The following CTNNA3 variants were observed in gnomAD, a reference collection of about 807,000 sequenced individuals.
CTNNA3 encodes the protein catenin alpha-3.
Under a neutral mutation model 95.7 loss-of-function variants are expected in CTNNA3, and 76 were observed. That is an observed-to-expected ratio of 0.79 (90% CI 0.66 to 0.96). The LOEUF is 0.96. CTNNA3 is among the 40% of genes least tolerant of loss of function. CTNNA3 has a pLI of 0.00. For synonymous variants in CTNNA3, 431 were observed against 374.4 expected, an observed-to-expected ratio of 1.15 and a Z score of -1.74; for missense variants, 1,191 against 1,089.8, an observed-to-expected ratio of 1.09 and a Z score of -1.31.
intron 7 of CTNNA3, among the ~76,000 whole-genome samples, chr10:66,905,681 T>C (rs1845959348): frequency 1.3e-5 from 2 of 152,256 alleles, no homozygotes; most frequent in Admixed American, 1.3e-4. Context: ...GAGTAGTGTT[T>C]GGCCTAAAAA....
chr10:66,524,999 A>T lies in CTNNA3; in HGVS notation c.1375-4226T>A, dbSNP rs537779538. Among the ~76,000 whole-genome samples the T allele has an allele frequency of 5.9e-5, 9 of 152,182 alleles. No individual in the cohort carries two copies. In the East Asian group the frequency reaches 1.4e-3, roughly 23 times the overall value. On this transcript the variant is annotated intron_variant, in intron 10 of 17. Transcript: ENST00000433211. Reference sequence around the variant, plus strand: ...GGGAAGCGGAGGTTGTGGTGAGCCGAGATCGCACCATTGTACTCCAGCCTG... The same window carrying T: ...GGGAAGCGGAGGTTGTGGTGAGCCGTGATCGCACCATTGTACTCCAGCCTG...
chr10:66,472,629 A>G (rs1839177842), intron 11 of CTNNA3, among the ~76,000 whole-genome samples: 1 of 152,020 alleles, frequency 6.6e-6, no homozygotes. Flanking sequence ...AAAGTCTCAC[A>G]ATTTGTTATA....
intron 9 of CTNNA3, among the ~76,000 whole-genome samples, chr10:66,670,642 T>C (rs1047098661): frequency 2.6e-5 from 4 of 152,238 alleles, no homozygotes; most frequent in Non-Finnish European, 4.4e-5. Flanking sequence ...ATTACATTGA[T>C]CTCACCTGGA....
At chr10:67,704,093 A>G (rs1186017428) in intron 1 of CTNNA3, among the ~76,000 whole-genome samples, 1 of 152,242 alleles carries the variant, frequency 6.6e-6, no homozygotes, top group Non-Finnish European at 1.5e-5. Flanking sequence ...CTCCTCAAGG[A>G]GAACTACAAA....
rs140611403 is a variant in CTNNA3, at chr10:66,809,541, C to A, written c.1048-34017G>T. On this transcript the variant is annotated intron_variant, in intron 7 of 17. Transcript: ENST00000433211. The stretch of plus-strand genomic sequence containing the variant: ...TTGTTTAGATTTACCATTGAATCAC[C>A]TTTAAGTAATGGTGATTAATTCCTT... 3.1e-3 allele frequency among the ~76,000 whole-genome samples: 476 copies of A among 152,156 alleles called. 2 individuals are homozygous for A. Among genetic ancestry groups the A allele is most frequent in the Non-Finnish European group, 5.2e-3 (356 of 68,002 alleles).
At chr10:66,165,454 T>C (rs1391229655) in intron 13 of CTNNA3, among the ~76,000 whole-genome samples, 1 of 152,094 alleles carries the variant, frequency 6.6e-6, no homozygotes, top group African/African-American at 2.4e-5. Context: ...AACCTGCATA[T>C]GTACCCTCTG....
chr10:67,461,134 T>C (rs1341005995), intron 5 of CTNNA3, among the ~76,000 whole-genome samples: 1 of 152,198 alleles, frequency 6.6e-6, no homozygotes, highest in African/African-American at 2.4e-5. Flanking sequence ...TCTCAAGCTA[T>C]GGTCTAGAAA....
intron 10 of CTNNA3, among the ~76,000 whole-genome samples, chr10:66,576,183 A>T (rs2132179242): frequency 6.6e-6 from 1 of 152,126 alleles, no homozygotes; most frequent in East Asian, 1.9e-4. Context: ...AATCTTCAGC[A>T]TGGATAAGAA....
chr10:66,056,894 G>A (rs1481018957), intron 15 of CTNNA3, among the ~76,000 whole-genome samples: 2 of 152,108 alleles, frequency 1.3e-5, no homozygotes, highest in Non-Finnish European at 2.9e-5. Context: ...ACCAGTCCTG[G>A]AAATTAAACC....
chr10:66,840,416 C>T (rs537077782), intron 7 of CTNNA3, among the ~76,000 whole-genome samples: 135 of 143,438 alleles, frequency 9.4e-4, no homozygotes, highest in African/African-American at 3.3e-3. Context: ...ACACACCCCT[C>T]GGTATAGGTT....
chr10:66,099,679 A>C (rs539313356), intron 14 of CTNNA3, among the ~76,000 whole-genome samples: 1 of 152,288 alleles, frequency 6.6e-6, no homozygotes, highest in Non-Finnish European at 1.5e-5. Context: ...GTACCAAATT[A>C]TCTACAATAT....
chr10:67,482,889 C>A (rs1382934974), intron 5 of CTNNA3, among the ~76,000 whole-genome samples: 1 of 152,116 alleles, frequency 6.6e-6, no homozygotes, highest in African/African-American at 2.4e-5. Flanking sequence ...GTGGGTTTGT[C>A]ATAGATAGCT....
Position 67,627,717 on chromosome 10 carries a change from A to G in CTNNA3, c.99+19698T>C, listed in dbSNP as rs748571821. ...ATCTGTATCTGTTAATGAGCAAAAA[A>G]CTGATGAAACATCTTTCTAAAAATT... is the stretch of plus-strand genomic sequence containing the variant. On this transcript the variant is annotated intron_variant, in intron 2 of 17. Coordinates refer to ENST00000433211, the MANE Select transcript of CTNNA3 (RefSeq NM_013266.4). Among the ~76,000 whole-genome samples, 68 of 152,158 alleles carry G rather than the reference A, an allele frequency of 4.5e-4. 1 individual carries two copies. Among genetic ancestry groups the G allele is most frequent in the Admixed American group, 1.6e-3 (25 of 15,266 alleles).
At chr10:66,138,765 AGAAGAATCGCTT>A (rs1443452483) in intron 13 of CTNNA3, among the ~76,000 whole-genome samples, 1 of 152,206 alleles carries the variant, frequency 6.6e-6, no homozygotes, top group Admixed American at 6.5e-5. Context: ...AGGCTGAAGC[AGAAGAATCGCTT>A]GAACCCAGGA....
chr10:66,913,045 T>C (rs1388403349), intron 7 of CTNNA3, among the ~76,000 whole-genome samples: 2 of 151,450 alleles, frequency 1.3e-5, no homozygotes, highest in Admixed American at 6.6e-5. Flanking sequence ...CGAGACCATC[T>C]TGGTTAACAC....
At chr10:66,140,556 G>T (rs2083562814) in intron 13 of CTNNA3, among the ~76,000 whole-genome samples, 1 of 152,090 alleles carries the variant, frequency 6.6e-6, no homozygotes, top group African/African-American at 2.4e-5. Flanking sequence ...AGGTATTGGG[G>T]TTTCCATTTG....
At chr10:66,395,435 A>G (rs993556151) in intron 11 of CTNNA3, among the ~76,000 whole-genome samples, 3 of 152,190 alleles carry the variant, frequency 2.0e-5, no homozygotes, top group East Asian at 1.9e-4. Context: ...TTCACAAAAT[A>G]TTCTGTATCA....
chr10:66,519,540 C>T (rs1366086954), intron 11 of CTNNA3, among the ~76,000 whole-genome samples: 1 of 152,160 alleles, frequency 6.6e-6, no homozygotes, highest in African/African-American at 2.4e-5. Flanking sequence ...CATCTCTCTG[C>T]TCAGTGAGAT....
chr10:66,431,759 A>T (rs1323052975), intron 11 of CTNNA3, among the ~76,000 whole-genome samples: 4 of 88,238 alleles, frequency 4.5e-5, no homozygotes, highest in African/African-American at 1.2e-4. Context: ...GGGTGGGGGG[A>T]GGGGGGAGGG....
Sources: allele counts gnomAD v4.1 joint callset (sites outside exome capture counted in the v4.1 genomes callset), GRCh38; gene constraint gnomAD v4.1.1; transcripts MANE v1.5; gene names NCBI Gene and HGNC (gene_info 2026-07-23, HGNC 2026-07-21).